The following ADCY2 variants were observed in gnomAD, a reference collection of about 807,000 sequenced individuals.
The protein encoded by ADCY2 is adenylate cyclase type 2.
ADCY2 carries 31 observed loss-of-function variants against 125.2 expected under a neutral mutation model. That is an observed-to-expected ratio of 0.25 (90% CI 0.19 to 0.33). The LOEUF (loss-of-function observed/expected upper bound fraction) is 0.33. Ranked by LOEUF, ADCY2 falls within the 10% of genes least tolerant of loss-of-function variation. ADCY2 has a pLI of 1.00. For synonymous variants in ADCY2, 512 were observed against 548.4 expected (o/e 0.93, Z 0.93); for missense variants, 904 against 1,418.2 (o/e 0.64, Z 5.82).
chr5:7,622,850 A>G (rs1579245314), intron 3 of ADCY2, among the ~76,000 whole-genome samples: 1 of 152,266 alleles, frequency 6.6e-6, no homozygotes, highest in South Asian at 2.1e-4. Flanking sequence ...AATTCAGTCT[A>G]CTGTTAGGGT....
intron 2 of ADCY2, among the ~76,000 whole-genome samples, chr5:7,497,388 G>A (rs777239107): frequency 5.3e-5 from 8 of 152,104 alleles, no homozygotes; most frequent in Non-Finnish European, 1.0e-4. Context: ...GTGTCATTTC[G>A]AATCAGTGGG....
At chr5:7,693,413 GTTTTTTTT>G (rs70940751) in intron 5 of ADCY2, among the ~76,000 whole-genome samples, 10 of 32,412 alleles carry the variant, frequency 3.1e-4, no homozygotes, top group East Asian at 2.3e-3. Flanking sequence ...GCTGTTTTTT[GTTTTTTTT>G]TTTTTTTTTT....
intron 3 of ADCY2, among the ~76,000 whole-genome samples, chr5:7,569,370 A>T (rs972389629): frequency 1.3e-5 from 2 of 152,142 alleles, no homozygotes; most frequent in African/African-American, 4.8e-5. Flanking sequence ...CTTGAAAAAG[A>T]CTTGGGCCAA....
intron 2 of ADCY2, among the ~76,000 whole-genome samples, chr5:7,459,772 ATTTTTTTTTTTTTTT>A (rs3033085): frequency 2.9e-4 from 21 of 72,860 alleles, no homozygotes; most frequent in East Asian, 9.4e-4. Flanking sequence ...TTAAGAGGTA[ATTTTTTTTTTTTTTT>A]TTTTTTTTTT....
At chr5:7,482,274 T>A (rs1425895167) in intron 2 of ADCY2, among the ~76,000 whole-genome samples, 1 of 152,190 alleles carries the variant, frequency 6.6e-6, no homozygotes, top group African/African-American at 2.4e-5. Flanking sequence ...TATGGGATTA[T>A]TATTATTTTA....
At chr5:7,657,820 C>G (rs1001076683) in intron 4 of ADCY2, among the ~76,000 whole-genome samples, 1 of 152,164 alleles carries the variant, frequency 6.6e-6, no homozygotes. Flanking sequence ...TTTACTTTTC[C>G]CTCTCAGCTG....
chr5:7,767,448 T>C (rs1041389560), intron 17 of ADCY2, among the ~76,000 whole-genome samples: 4 of 152,238 alleles, frequency 2.6e-5, no homozygotes, highest in African/African-American at 9.6e-5. Flanking sequence ...CTTTGCACTT[T>C]CCAAATAATT....
chr5:7,451,880 C>T lies in ADCY2; in HGVS notation c.408+37110C>T, dbSNP rs149200378. ...ATGCACCCATCACAGAAGTAATGTA[C>T]ATTATACCCAATATGTAGGCTTTTT... On this transcript the variant is annotated intron_variant, in intron 2 of 24. Transcript: ENST00000338316. Among the ~76,000 whole-genome samples the T allele has an allele frequency of 1.2e-3, 184 of 151,556 alleles. 1 individual carries two copies. The highest frequency in any genetic ancestry group is 4.3e-3 in the African/African-American group (176 of 41,388).
At chr5:7,687,887 T>C (rs1561167540) in intron 4 of ADCY2, among the ~76,000 whole-genome samples, 2 of 152,302 alleles carry the variant, frequency 1.3e-5, no homozygotes, top group African/African-American at 4.8e-5. Context: ...CATCATAAGC[T>C]CTGCTAATGG....
intron 3 of ADCY2, among the ~76,000 whole-genome samples, chr5:7,596,472 G>A (rs899066384): frequency 6.6e-6 from 1 of 152,142 alleles, no homozygotes; most frequent in African/African-American, 2.4e-5. Context: ...GAACAATAAC[G>A]AAATACCTAA....
intron 2 of ADCY2, among the ~76,000 whole-genome samples, chr5:7,493,889 G>A (rs1743254776): frequency 6.6e-6 from 1 of 152,050 alleles, no homozygotes; most frequent in Non-Finnish European, 1.5e-5. Context: ...TCAAATAAGT[G>A]CAAGTCTGTA....
chr5:7,804,455 G>A (rs1474379574), intron 21 of ADCY2, 130 bp from the exon 22 acceptor site: 3 of 736,880 alleles, frequency 4.1e-6, no homozygotes, highest in African/African-American at 3.5e-5. Flanking sequence ...CAGGGCCCAA[G>A]GGTGCATACG....
chr5:7,490,030 C>T (rs1409613039), intron 2 of ADCY2, among the ~76,000 whole-genome samples: 4 of 151,598 alleles, frequency 2.6e-5, no homozygotes, highest in African/African-American at 9.7e-5. Context: ...GAAGTAAAGA[C>T]TCTAAGGAAT....
intron 16 of ADCY2, among the ~76,000 whole-genome samples, chr5:7,764,553 C>T (rs185498244): frequency 5.3e-5 from 8 of 152,096 alleles, no homozygotes; most frequent in East Asian, 1.9e-4. Flanking sequence ...TAATGTGATT[C>T]GAAAAATGTA....
At chr5:7,511,433 G>A (rs1384939709) in intron 2 of ADCY2, among the ~76,000 whole-genome samples, 1 of 151,826 alleles carries the variant, frequency 6.6e-6, no homozygotes, top group African/African-American at 2.4e-5. Flanking sequence ...AAATTAGCCG[G>A]GTGTGGTGGT....
chr5:7,544,381 G>T (rs1024448347), intron 3 of ADCY2, among the ~76,000 whole-genome samples: 2 of 152,178 alleles, frequency 1.3e-5, no homozygotes, highest in African/African-American at 4.8e-5. Flanking sequence ...GAGACTTTAT[G>T]AGAGAATCTC....
intron 4 of ADCY2, among the ~76,000 whole-genome samples, chr5:7,675,157 CAAA>C (rs201950218): frequency 3.0e-5 from 3 of 98,546 alleles, no homozygotes; most frequent in African/African-American, 3.9e-5. Context: ...TACTCTGTCT[CAAA>C]AAAAAAAAAA....
At position 7,693,406 on chromosome 5, in the gene ADCY2, G is replaced by GTTTTTTTTTTT. The variant is rs139450063; in HGVS notation, c.870-2340_870-2339insTTTTTTTTTTT. Among the ~76,000 whole-genome samples, 23 of 58,646 alleles carry GTTTTTTTTTTT rather than the reference G, an allele frequency of 3.9e-4. 1 individual carries two copies. The highest frequency in any genetic ancestry group is 6.8e-4 in the Non-Finnish European group (19 of 27,748). 38.5% of individuals were successfully genotyped at this position (58,646 alleles called of 152,430 possible). On this transcript the variant is annotated intron_variant, in intron 5 of 24. Transcript: ENST00000338316. ...GTACCTTGCATCACAATTGCCTGCT[G>GTTTTTTTTTTT]TTTTTTGTTTTTTTTTTTTTTTTTT...
rs578078526 is a variant in ADCY2 at position 7,802,953 on chromosome 5, C to A, written c.2775+589C>A. ...CTGGTTTAAGGATATTGCAGCCACA[C>A]TATTCTTATCACTATCTTGCAAAAT... On this transcript the variant is annotated intron_variant, in intron 21 of 24. Transcript: ENST00000338316. This position sits in a 1 kb window ranked among gnomAD's most constrained non-coding sequence, Gnocchi z 4.6. Among the ~76,000 whole-genome samples, 1 of 152,196 alleles carries A rather than the reference C, an allele frequency of 6.6e-6. No individual in the cohort carries two copies. The highest frequency in any genetic ancestry group is 1.5e-5 in the Non-Finnish European group (1 of 68,040).
Sources: allele counts gnomAD v4.1 joint callset (sites outside exome capture counted in the v4.1 genomes callset), GRCh38; gene constraint gnomAD v4.1.1; non-coding constraint Gnocchi (gnomAD v3.1); transcripts MANE v1.5; gene names NCBI Gene and HGNC (gene_info 2026-07-23, HGNC 2026-07-21).